The following ITGA10 variants were observed in gnomAD, a reference collection of about 807,000 sequenced individuals.
ITGA10 encodes integrin subunit alpha 10, also known as integrin alpha-10.
In ITGA10, 105 loss-of-function variants were observed where a neutral mutation model predicts 145.2. That is an observed-to-expected ratio of 0.72 (90% CI 0.62 to 0.85). ITGA10 has a LOEUF of 0.85. ITGA10 is among the 40% of genes least tolerant of loss of function. The pLI is 0.00. For synonymous variants in ITGA10, 506 were observed against 557.8 expected (o/e 0.91, Z 1.31); for missense variants, 1,317 against 1,444.5 (o/e 0.91, Z 1.43).
chr1:145,905,044 A>G (rs1656931678), intron 5 of ITGA10, among the ~76,000 whole-genome samples: 1 of 152,032 alleles, frequency 6.6e-6, no homozygotes, highest in South Asian at 2.1e-4. Flanking sequence ...GTATATATGT[A>G]TATATAGGTA....
In ITGA10 at chr1:145,896,864, G is replaced by A. The variant is rs782738051; in HGVS notation, c.2745-6C>T. On this transcript the variant is annotated splice_polypyrimidine_tract_variant and splice_region_variant and intron_variant, in intron 22 of 29. Transcript: ENST00000369304. ...CATTTCTCTCCAGGCTGTCACTGTA[G>A]GGTCAGAGGGGAGAGGCTCACATCT... is the stretch of plus-strand genomic sequence containing the variant. 1 of 1,610,562 alleles carries A rather than the reference G, an allele frequency of 6.2e-7. No individual in the cohort carries two copies. Among genetic ancestry groups the A allele is most frequent in the Non-Finnish European group, 8.5e-7 (1 of 1,176,752 alleles).
intron 23 of ITGA10, 57 bp downstream of exon 23, chr1:145,896,712 G>T: frequency 2.2e-6 from 3 of 1,370,628 alleles, no homozygotes; most frequent in Non-Finnish European, 3.1e-6. Flanking sequence ...GAGGGAAGCA[G>T]CATAAGGGTA....
intron 2 of ITGA10, 29 bp downstream of exon 2, chr1:145,907,325 A>G: frequency 6.2e-7 from 1 of 1,614,028 alleles, no homozygotes; most frequent in African/African-American, 1.3e-5. Flanking sequence ...TGCAGTCCCA[A>G]TCCCCTGGCA....
Position 145,892,557 on chromosome 1 carries a change from G to C in ITGA10, c.*241C>G. The C allele has an allele frequency of 2.4e-6, 1 of 418,166 alleles. No individual in the cohort carries two copies. The highest frequency in any genetic ancestry group is 3.9e-5 in the Admixed American group (1 of 25,358). The allele number at this position is 418,166 out of a possible 1,614,324, so 25.9% of individuals were successfully genotyped here. Reference sequence around the variant, plus strand: ...GTGTTGGCTATGGAACCAGGATCACGAGGAGGAGGGAAGCAGAGGGTGGGA... The same window carrying C: ...GTGTTGGCTATGGAACCAGGATCACCAGGAGGAGGGAAGCAGAGGGTGGGA... On this transcript the variant is annotated 3_prime_UTR_variant, in exon 30 of 30. Transcript: ENST00000369304.
intron 5 of ITGA10, 146 bp from the exon 6 acceptor site, chr1:145,904,957 T>C (rs971488730): frequency 2.7e-6 from 2 of 748,376 alleles, no homozygotes; most frequent in East Asian, 2.5e-5. Flanking sequence ...TGTGTAAGTG[T>C]AGAAATTAAT....
chr1:145,901,396 C>T lies in ITGA10; in HGVS notation c.1444-118G>A, dbSNP rs1356976901. The T allele has an allele frequency of 6.7e-7, 1 of 1,488,988 alleles. No homozygotes were observed. The highest frequency in any genetic ancestry group is 9.1e-7 in the Non-Finnish European group (1 of 1,101,822). The allele number at this position is 1,488,988 out of a possible 1,614,324, so 92.2% of individuals were successfully genotyped here. On this transcript the variant is annotated intron_variant, in intron 12 of 29. Coordinates refer to ENST00000369304, the MANE Select transcript of ITGA10 (RefSeq NM_003637.5). The surrounding 1 kb of genome is among the most constrained non-coding windows in gnomAD (Gnocchi z 4.3). ...CTGCTCCTTACATCCCTGACAGACT[C>T]TGCCAACCAGAATTCCGCACAGACT...
chr1:145,898,205 G>A lies in ITGA10; in HGVS notation c.2251C>T (p.Arg751Trp), dbSNP rs373361091. Residue 751 changes from arginine to tryptophan, a missense_variant, in exon 18 of 30, where the codon CGG becomes TGG. By Grantham distance (101) the Arg-to-Trp change is moderately radical. Transcript: ENST00000369304. ...FHVLDTSDYL[R>W]PVALTVTFAL... is the part of the protein sequence containing the mutation. ...AAGGTCACAGTCAAGGCCACTGGCC[G>A]GAGGTAATCTGATGTATCCTGAAGG... The A allele has an allele frequency of 2.5e-5, 41 of 1,612,848 alleles. No homozygotes were observed. The highest frequency in any genetic ancestry group is 1.6e-4 in the Middle Eastern group (1 of 6,082).
intron 7 of ITGA10, 107 bp from the exon 8 acceptor site, chr1:145,903,068 G>T (rs1229168916): frequency 2.3e-6 from 2 of 855,802 alleles, no homozygotes; most frequent in South Asian, 2.2e-5. Context: ...CACACACACA[G>T]GATTTAACAT....
At position 145,899,354 on chromosome 1, in the gene ITGA10, T is replaced by G. The variant is rs1553747027; in HGVS notation, c.1923-13A>C. 3 of 1,610,716 alleles carry G rather than the reference T, an allele frequency of 1.9e-6. No homozygotes were observed. In the Admixed American group the frequency reaches 5.0e-5, roughly 27 times the overall value. On this transcript the variant is annotated splice_polypyrimidine_tract_variant and intron_variant, in intron 15 of 29. Transcript: ENST00000369304. ...AATGGGCCGGGAGCTGGGAACAGTG[T>G]GGAAAAGAAATTCTAGCAGTAGGAG... is the stretch of plus-strand genomic sequence containing the variant.
chr1:145,907,369 C>G lies in ITGA10; in HGVS notation c.149G>C (p.Gly50Ala). 6.2e-7 allele frequency: 1 copy of G among 1,614,164 alleles called. No individual in the cohort carries two copies. The highest frequency in any genetic ancestry group is 8.5e-7 in the Non-Finnish European group (1 of 1,180,030). ...EFGYSVLQHV[G>A]GGQRWMLVGA... Reference sequence around the variant, plus strand: ...TCTTCCTCACCATCGCTGTCCACCCCCAACATGTTGTAAGACACTGTATCC... The same window carrying G: ...TCTTCCTCACCATCGCTGTCCACCCGCAACATGTTGTAAGACACTGTATCC... The change falls in exon 2 of 30, where the codon GGG (glycine) becomes GCG (alanine). Residue 50 changes from glycine to alanine, a missense_variant. Transcript: ENST00000369304.
At chr1:145,894,274 G>T (rs1412261359) in intron 27 of ITGA10, among the ~76,000 whole-genome samples, 1 of 151,722 alleles carries the variant, frequency 6.6e-6, no homozygotes, top group Non-Finnish European at 1.5e-5. Context: ...ACCACACCTG[G>T]CTAATTTTTT....
rs41315697 is a variant in ITGA10 at position 145,907,577 on chromosome 1, C to T, written c.53-112G>A. The T allele has an allele frequency of 2.3e-3, 3,525 of 1,520,708 alleles. 9 individuals are homozygous for T. Among genetic ancestry groups the T allele is most frequent in the Admixed American group, 3.3e-3 (149 of 44,996 alleles). The allele number at this position is 1,520,708 out of a possible 1,614,324, so 94.2% of individuals were successfully genotyped here. A position where few individuals can be genotyped will look rare whatever the true frequency, so the allele number is the denominator to read the frequency against. On this transcript the variant is annotated intron_variant, in intron 1 of 29. Coordinates refer to ENST00000369304, the MANE Select transcript of ITGA10 (RefSeq NM_003637.5). ...CTCAGTCTGCCTGCCTGCTTTTTCACTCATAAGCTTTTCTGGCCTCTCTCA... is the reference window on the plus strand; with the variant it reads ...CTCAGTCTGCCTGCCTGCTTTTTCATTCATAAGCTTTTCTGGCCTCTCTCA...
chr1:145,909,653 T>C (rs1219645860), intron 1 of ITGA10, among the ~76,000 whole-genome samples: 1 of 140,696 alleles, frequency 7.1e-6, no homozygotes, highest in Non-Finnish European at 1.5e-5. Flanking sequence ...TTATATATAA[T>C]ATATAATTGT....
Position 145,904,728 on chromosome 1 carries a change from G to A in ITGA10, c.565C>T (p.Arg189Ter), listed in dbSNP as rs775794236. ...YPWSEVQTFL[R>*]RLVGKLFIDP... Reference sequence around the variant, plus strand: ...ATAAACAGTTTCCCTACCAGTCTTCGTAGGAAGGTCTGAACTTCAGACCAG... The same window carrying A: ...ATAAACAGTTTCCCTACCAGTCTTCATAGGAAGGTCTGAACTTCAGACCAG... Residue 189 changes from arginine (R) to a stop codon, truncating the protein, a stop_gained, in exon 6 of 30, where the codon CGA becomes TGA. Transcript: ENST00000369304. LOFTEE classifies it high-confidence loss of function. 45 of 1,613,764 alleles carry A rather than the reference G, an allele frequency of 2.8e-5. 1 individual carries two copies. Among genetic ancestry groups the A allele is most frequent in the East Asian group, 1.8e-4 (8 of 44,886 alleles).
Position 145,901,006 on chromosome 1 carries a change from A to G in ITGA10, c.1588-13T>C, listed in dbSNP as rs781891027. ...TCAGCAAGGACTGCTGGTGGAGGAG[A>G]GAAGATAGAAGATGCTAATCTGGCA... On this transcript the variant is annotated splice_polypyrimidine_tract_variant and intron_variant, in intron 13 of 29. Coordinates refer to ENST00000369304, the MANE Select transcript of ITGA10 (RefSeq NM_003637.5). The surrounding 1 kb of genome is among the most constrained non-coding windows in gnomAD (Gnocchi z 4.3). 1.2e-6 allele frequency: 2 copies of G among 1,613,832 alleles called. No homozygotes were observed. The highest frequency in any genetic ancestry group is 1.3e-5 in the African/African-American group (1 of 74,948).
At chr1:145,909,644 T>TATATATA (rs1165149525) in intron 1 of ITGA10, among the ~76,000 whole-genome samples, 7 of 140,720 alleles carry the variant, frequency 5.0e-5, no homozygotes, top group African/African-American at 1.8e-4. Flanking sequence ...ATATGTATAT[T>TATATATA]ATATATAATA....
intron 29 of ITGA10, 143 bp downstream of exon 29, chr1:145,893,018 G>C: frequency 1.1e-6 from 1 of 893,184 alleles, no homozygotes; most frequent in Non-Finnish European, 1.8e-6. Context: ...ACCAACATTT[G>C]TGGGGTACAG....
intron 18 of ITGA10, 25 bp from the exon 19 acceptor site, chr1:145,897,925 G>T: frequency 1.3e-6 from 2 of 1,584,262 alleles, no homozygotes; most frequent in Non-Finnish European, 8.7e-7. Flanking sequence ...AGGGGCTAAG[G>T]GTTGAGAGGA....
Position 145,906,835 on chromosome 1 carries a change from G to A in ITGA10, c.275-11C>T. ...CCAGTTGGTAGTCACCTGGTTGGAA[G>A]GAGGTGGAAGAGAATGAGATCATGG... On this transcript the variant is annotated splice_polypyrimidine_tract_variant and intron_variant, in intron 3 of 29. Coordinates refer to ENST00000369304, the MANE Select transcript of ITGA10 (RefSeq NM_003637.5). 1 of 1,588,314 alleles carries A rather than the reference G, an allele frequency of 6.3e-7. No individual in the cohort carries two copies.
Sources: gnomAD v4.1 joint callset for allele counts (sites outside exome capture counted in the v4.1 genomes callset) on GRCh38, gnomAD v4.1.1 for gene constraint, Gnocchi (gnomAD v3.1) non-coding constraint, MANE v1.5 for transcripts, NCBI Gene and HGNC (gene_info 2026-07-23, HGNC 2026-07-21) for gene names.